Variants in KCNMB4 observed in about 807,000 individuals in gnomAD.
The protein encoded by KCNMB4 is potassium calcium-activated channel subfamily M regulatory beta subunit 4, also known as calcium-activated potassium channel subunit beta-4.
Under a neutral mutation model 20.7 loss-of-function variants are expected in KCNMB4, and 3 were observed. The ratio of observed to expected loss-of-function variants is 0.14; its 90% CI spans 0.07 to 0.37. The LOEUF (loss-of-function observed/expected upper bound fraction) is 0.37. KCNMB4 is among the 10% of genes least tolerant of loss of function. The probability of loss-of-function intolerance (pLI) is 1.00; values close to 1 mark genes in which losing one functional copy is unlikely to be tolerated. For synonymous variants in KCNMB4, 110 were observed against 113.4 expected (o/e 0.97, Z 0.19); for missense variants, 168 against 265.9 (o/e 0.63, Z 2.56).
intron 2 of KCNMB4, among the ~76,000 whole-genome samples, chr12:70,402,654 CAA>C (rs34956547): frequency 0.015 from 1,089 of 75,050 alleles, 10 homozygotes; most frequent in African/African-American, 0.051. Flanking sequence ...GACCCTGCCT[CAA>C]AAAAAAAAAA....
intron 2 of KCNMB4, among the ~76,000 whole-genome samples, chr12:70,406,306 C>G (rs117005776): frequency 2.3e-4 from 35 of 152,154 alleles, no homozygotes; most frequent in Non-Finnish European, 4.4e-4. Context: ...CTTAAGTATT[C>G]TTACCACAAT....
intron 1 of KCNMB4, among the ~76,000 whole-genome samples, chr12:70,387,398 ATTT>A (rs200125786): frequency 0.013 from 1,658 of 123,990 alleles, 28 homozygotes; most frequent in African/African-American, 0.047. Context: ...AAATTTTTTA[ATTT>A]TTTTTTTTTT....
chr12:70,377,498 C>T (rs533031686), intron 1 of KCNMB4, among the ~76,000 whole-genome samples: 19 of 152,180 alleles, frequency 1.2e-4, no homozygotes, highest in South Asian at 2.1e-4. Flanking sequence ...AATCATTTTG[C>T]GGGTGGAGGA....
intron 2 of KCNMB4, among the ~76,000 whole-genome samples, chr12:70,423,904 G>T (rs1869137574): frequency 6.6e-6 from 1 of 152,210 alleles, no homozygotes; most frequent in Non-Finnish European, 1.5e-5. Context: ...TTCAGGTTTA[G>T]TGGCTGGGGC....
intron 2 of KCNMB4, among the ~76,000 whole-genome samples, chr12:70,426,360 G>GC (rs1869215679): frequency 8.6e-6 from 1 of 116,660 alleles, no homozygotes; most frequent in Non-Finnish European, 1.9e-5. Context: ...TTGGGAAATA[G>GC]CTAGCTAAGT....
intron 2 of KCNMB4, among the ~76,000 whole-genome samples, chr12:70,415,503 G>A (rs991749559): frequency 2.6e-5 from 4 of 152,078 alleles, no homozygotes; most frequent in African/African-American, 9.7e-5. Flanking sequence ...ATAACATAAG[G>A]GACTGTATTA....
At chr12:70,408,483 G>C (rs1868674462) in intron 2 of KCNMB4, among the ~76,000 whole-genome samples, 1 of 152,166 alleles carries the variant, frequency 6.6e-6, no homozygotes, top group Non-Finnish European at 1.5e-5. Context: ...CTAAGACAAA[G>C]ATTAGAGGAG....
chr12:70,423,618 C>G (rs985951092), intron 2 of KCNMB4, among the ~76,000 whole-genome samples: 3 of 152,130 alleles, frequency 2.0e-5, no homozygotes, highest in African/African-American at 7.2e-5. Flanking sequence ...GCCAAGACTA[C>G]AGGCGTATGC....
rs1006273177 is a variant in KCNMB4 at position 70,432,976 on chromosome 12, G to T, written c.*2323G>T. 1 of 152,002 alleles carries T rather than the reference G, an allele frequency of 6.6e-6. No homozygotes were observed. Among genetic ancestry groups the T allele is most frequent in the African/African-American group, 2.4e-5 (1 of 41,388 alleles). 9.4% of individuals were successfully genotyped at this position (152,002 alleles called of 1,614,324 possible). ...TGATATTCATGCATTTACACTAAACGCTTCCATTTATCCCGAAAAAGTATA... is the reference window on the plus strand; with the variant it reads ...TGATATTCATGCATTTACACTAAACTCTTCCATTTATCCCGAAAAAGTATA... On this transcript the variant is annotated 3_prime_UTR_variant, in exon 3 of 3. Coordinates refer to ENST00000258111, the MANE Select transcript of KCNMB4 (RefSeq NM_014505.6).
chr12:70,416,985 G>C (rs974349615), intron 2 of KCNMB4, among the ~76,000 whole-genome samples: 3 of 152,158 alleles, frequency 2.0e-5, no homozygotes, highest in Non-Finnish European at 4.4e-5. Flanking sequence ...GCTTTCTTCA[G>C]AAAGACATGC....
intron 2 of KCNMB4, among the ~76,000 whole-genome samples, chr12:70,421,293 C>T (rs1461204794): frequency 6.6e-6 from 1 of 151,288 alleles, no homozygotes; most frequent in Non-Finnish European, 1.5e-5. Context: ...GAGTTCGAGA[C>T]TGGCCTGGGT....
At chr12:70,391,932 A>T (rs1868303097) in intron 1 of KCNMB4, among the ~76,000 whole-genome samples, 1 of 152,206 alleles carries the variant, frequency 6.6e-6, no homozygotes. Context: ...GTGAAATGGG[A>T]TGTATATTAA....
intron 2 of KCNMB4, among the ~76,000 whole-genome samples, chr12:70,410,640 C>A (rs1868746636): frequency 6.6e-6 from 1 of 152,174 alleles, no homozygotes; most frequent in African/African-American, 2.4e-5. Context: ...ACATTTGCAC[C>A]ATAGCTAATA....
chr12:70,373,517 C>T (rs776721945), intron 1 of KCNMB4, among the ~76,000 whole-genome samples: 1 of 152,160 alleles, frequency 6.6e-6, no homozygotes, highest in Admixed American at 6.6e-5. Context: ...CAGAAGAGAA[C>T]GCAGCCTGGC....
intron 1 of KCNMB4, among the ~76,000 whole-genome samples, chr12:70,380,420 G>A (rs199663754): frequency 6.6e-6 from 1 of 152,170 alleles, no homozygotes; most frequent in East Asian, 1.9e-4. Context: ...TTACCAAAAT[G>A]TGGCACAGAG....
rs1000162624 is a variant in KCNMB4 at position 70,422,086 on chromosome 12, A to G, written c.465-8399A>G. ...CATCTCTCCCATACGAATTTAAACT[A>G]TTGAACTTTCACATCAAATTTGGAA... On this transcript the variant is annotated intron_variant, in intron 2 of 2. Coordinates refer to ENST00000258111, the MANE Select transcript of KCNMB4 (RefSeq NM_014505.6). Among the ~76,000 whole-genome samples the G allele has an allele frequency of 5.9e-5, 9 of 152,288 alleles. No individual in the cohort carries two copies. In the South Asian group the frequency reaches 6.2e-4, roughly 11 times the overall value.
chr12:70,428,250 T>G (rs1280978816), intron 2 of KCNMB4, among the ~76,000 whole-genome samples: 2 of 152,188 alleles, frequency 1.3e-5, no homozygotes, highest in Admixed American at 1.3e-4. Context: ...CGCCTCTGTC[T>G]CCCAAAGTGC....
intron 2 of KCNMB4, among the ~76,000 whole-genome samples, chr12:70,405,375 G>A (rs1020016961): frequency 6.6e-6 from 1 of 152,104 alleles, no homozygotes; most frequent in African/African-American, 2.4e-5. Context: ...TGGCTGACAG[G>A]TATATGAAAC....
At chr12:70,394,848 G>A (rs899845425) in intron 1 of KCNMB4, among the ~76,000 whole-genome samples, 6 of 152,020 alleles carry the variant, frequency 3.9e-5, no homozygotes, top group Admixed American at 2.6e-4. Flanking sequence ...TTAATACTTT[G>A]TAAAGATGAG....
Sources: gnomAD v4.1 joint callset for allele counts (sites outside exome capture counted in the v4.1 genomes callset) on GRCh38, gnomAD v4.1.1 for gene constraint, MANE v1.5 for transcripts, NCBI Gene and HGNC (gene_info 2026-07-23, HGNC 2026-07-21) for gene names.